Variants in SMYD3 observed in about 807,000 individuals in gnomAD.
SMYD3 encodes the protein histone-lysine N-methyltransferase SMYD3.
In SMYD3, 36 loss-of-function variants were observed where a neutral mutation model predicts 57.7. The ratio of observed to expected loss-of-function variants is 0.62; its 90% confidence interval spans 0.48 to 0.82. The LOEUF is 0.82. SMYD3 is among the 40% of genes least tolerant of loss of function. The pLI is 0.00. For synonymous variants in SMYD3, 211 were observed against 195.0 expected (o/e 1.08, Z -0.68); for missense variants, 515 against 538.8 (o/e 0.96, Z 0.44).
chr1:246,084,467 C>A (rs1409898064), intron 5 of SMYD3, among the ~76,000 whole-genome samples: 1 of 152,110 alleles, frequency 6.6e-6, no homozygotes, highest in African/African-American at 2.4e-5. Context: ...CCTCTTGTCT[C>A]AGCCTCTCAA....
intron 8 of SMYD3, among the ~76,000 whole-genome samples, chr1:245,905,669 T>C (rs1197237463): frequency 6.6e-6 from 1 of 152,228 alleles, no homozygotes; most frequent in Non-Finnish European, 1.5e-5. Context: ...GCATAGGCCT[T>C]GCTGGCTTTG....
chr1:246,182,625 A>T (rs2062571592), intron 5 of SMYD3, among the ~76,000 whole-genome samples: 3 of 152,186 alleles, frequency 2.0e-5, no homozygotes, highest in African/African-American at 7.2e-5. Context: ...CATTTCTGAA[A>T]CAGTTAGGTG....
chr1:245,843,742 T>C (rs376097031), intron 10 of SMYD3, among the ~76,000 whole-genome samples: 1 of 152,222 alleles, frequency 6.6e-6, no homozygotes, highest in African/African-American at 2.4e-5. Context: ...CCTAACCTTA[T>C]GGACCACATG....
chr1:246,405,439 C>A (rs2066845983), intron 1 of SMYD3, among the ~76,000 whole-genome samples: 1 of 152,098 alleles, frequency 6.6e-6, no homozygotes. Context: ...TAAAACAAAA[C>A]CAAAACCGCC....
chr1:245,954,502 T>C (rs903184326), intron 5 of SMYD3, among the ~76,000 whole-genome samples: 1 of 152,168 alleles, frequency 6.6e-6, no homozygotes, highest in Non-Finnish European at 1.5e-5. Flanking sequence ...GGTGAAACCC[T>C]GTCTCTACAG....
chr1:245,993,561 G>C (rs7548497), intron 5 of SMYD3, among the ~76,000 whole-genome samples: 96,720 of 147,804 alleles, frequency 0.65, 34,550 homozygotes, highest in Non-Finnish European at 0.8. Context: ...ATAGCAAGAC[G>C]TTGTCTCAAA....
At chr1:246,161,217 G>C (rs1410475029) in intron 5 of SMYD3, among the ~76,000 whole-genome samples, 1 of 152,174 alleles carries the variant, frequency 6.6e-6, no homozygotes, top group Non-Finnish European at 1.5e-5. Context: ...AAGCATGACA[G>C]ACTGTCTTTG....
At position 246,224,315 on chromosome 1, in the gene SMYD3, G is replaced by A. The variant is rs113769249; in HGVS notation, c.531+102886C>T. 7.2e-3 allele frequency among the ~76,000 whole-genome samples: 1,096 copies of A among 152,132 alleles called. 19 individuals carry two copies. The highest frequency in any genetic ancestry group is 0.024 in the African/African-American group (1,005 of 41,456). On this transcript the variant is annotated intron_variant, in intron 5 of 11. Transcript: ENST00000490107. ...GCATTTGAACTGTGCCCTGAAGACC[G>A]AAGCAGTACAAGCACAGGAATTAGC...
At chr1:246,320,560 C>T (rs1434694186) in intron 5 of SMYD3, among the ~76,000 whole-genome samples, 1 of 152,088 alleles carries the variant, frequency 6.6e-6, no homozygotes, top group Non-Finnish European at 1.5e-5. Context: ...TTCTTGTTGC[C>T]GCCAATCTAA....
At chr1:245,820,134 CA>C (rs1379003376) in intron 10 of SMYD3, among the ~76,000 whole-genome samples, 1 of 149,828 alleles carries the variant, frequency 6.7e-6, no homozygotes, top group African/African-American at 2.4e-5. Flanking sequence ...AACATTGATG[CA>C]AAAATCCTCA....
intron 1 of SMYD3, among the ~76,000 whole-genome samples, chr1:246,408,083 A>T (rs1015348868): frequency 6.6e-6 from 1 of 151,860 alleles, no homozygotes; most frequent in Admixed American, 6.6e-5. Flanking sequence ...AATCCCATTC[A>T]TGAGGACTCT....
intron 5 of SMYD3, among the ~76,000 whole-genome samples, chr1:246,048,196 C>T (rs912783406): frequency 1.3e-5 from 2 of 152,178 alleles, no homozygotes; most frequent in Admixed American, 6.5e-5. Context: ...TGCAAACTCA[C>T]GTTAGTTAAC....
At chr1:246,423,243 G>A (rs1166970178) in intron 1 of SMYD3, among the ~76,000 whole-genome samples, 1 of 150,784 alleles carries the variant, frequency 6.6e-6, no homozygotes, top group East Asian at 1.9e-4. Context: ...GTTGCAGTGA[G>A]CCGAGATCGC....
chr1:245,888,756 T>G (rs2053221120), intron 8 of SMYD3, among the ~76,000 whole-genome samples: 1 of 152,204 alleles, frequency 6.6e-6, no homozygotes, highest in South Asian at 2.1e-4. Context: ...ATCAATAACA[T>G]GCAGAAAGAG....
chr1:246,238,768 A>G (rs1031870118), intron 5 of SMYD3, among the ~76,000 whole-genome samples: 2 of 152,164 alleles, frequency 1.3e-5, no homozygotes, highest in African/African-American at 4.8e-5. Flanking sequence ...TAAGAAGCCT[A>G]GATAATTAGA....
chr1:246,081,447 C>A (rs1449125268), intron 5 of SMYD3, among the ~76,000 whole-genome samples: 1 of 152,072 alleles, frequency 6.6e-6, no homozygotes, highest in African/African-American at 2.4e-5. Context: ...TACTGGAGTG[C>A]AGTGGTGTGA....
At chr1:246,289,664 C>T (rs1037424748) in intron 5 of SMYD3, among the ~76,000 whole-genome samples, 2 of 152,128 alleles carry the variant, frequency 1.3e-5, no homozygotes, top group Non-Finnish European at 2.9e-5. Flanking sequence ...TAAGATAATT[C>T]GACTGCTTGG....
At chr1:245,814,917 A>T (rs1221578133) in intron 10 of SMYD3, among the ~76,000 whole-genome samples, 1 of 152,006 alleles carries the variant, frequency 6.6e-6, no homozygotes, top group Non-Finnish European at 1.5e-5. Context: ...ATCTTCACTG[A>T]AGGCTCCCAA....
chr1:246,052,040 T>C (rs937868367), intron 5 of SMYD3, among the ~76,000 whole-genome samples: 3 of 152,218 alleles, frequency 2.0e-5, no homozygotes, highest in Admixed American at 1.3e-4. Context: ...AAGTCCATAA[T>C]GATCTGGATA....
Sources: gnomAD v4.1 joint callset for allele counts (sites outside exome capture counted in the v4.1 genomes callset) on GRCh38, gnomAD v4.1.1 for gene constraint, MANE v1.5 for transcripts, NCBI Gene and HGNC (gene_info 2026-07-23, HGNC 2026-07-21) for gene names.